Variants in C8orf34 observed in about 807,000 individuals in gnomAD.
C8orf34 encodes the protein uncharacterized protein C8orf34.
Under a neutral mutation model 68.3 loss-of-function variants are expected in C8orf34, and 65 were observed. The ratio of observed to expected loss-of-function variants is 0.95; its 90% CI spans 0.78 to 1.17. C8orf34 has a LOEUF of 1.17. Among genes scored for constraint, C8orf34 ranks in the 50% most tolerant of loss-of-function variants. The probability of loss-of-function intolerance (pLI) is 0.00; values close to 1 mark genes in which losing one functional copy is unlikely to be tolerated. For synonymous variants in C8orf34, 244 were observed against 241.2 expected, an observed-to-expected ratio of 1.01 and a Z score of -0.11; for missense variants, 664 against 655.4, an observed-to-expected ratio of 1.01 and a Z score of -0.14.
intron 1 of C8orf34, among the ~76,000 whole-genome samples, chr8:68,390,335 A>G (rs1416301011): frequency 6.6e-6 from 1 of 152,180 alleles, no homozygotes; most frequent in African/African-American, 2.4e-5. Flanking sequence ...AGAGAATCAA[A>G]TTAACTGTTT....
chr8:68,782,423 TTGAG>T (rs1254563504), intron 11 of C8orf34, among the ~76,000 whole-genome samples: 2 of 128,546 alleles, frequency 1.6e-5, no homozygotes, highest in Admixed American at 7.7e-5. Context: ...TATTCCAAGA[TTGAG>T]TGTCTTTTTT....
chr8:68,716,924 A>C (rs1450998410), intron 9 of C8orf34, among the ~76,000 whole-genome samples: 17 of 151,738 alleles, frequency 1.1e-4, no homozygotes, highest in Non-Finnish European at 2.2e-4. Context: ...CGATGGATAA[A>C]ATCAGTGATG....
chr8:68,757,383 A>C (rs892594084), intron 10 of C8orf34, among the ~76,000 whole-genome samples: 2 of 152,176 alleles, frequency 1.3e-5, no homozygotes, highest in African/African-American at 4.8e-5. Flanking sequence ...TAATCCCAGC[A>C]CTTTGGGAGG....
At chr8:68,518,090 C>T (rs1161757055) in intron 5 of C8orf34, among the ~76,000 whole-genome samples, 1 of 152,130 alleles carries the variant, frequency 6.6e-6, no homozygotes, top group African/African-American at 2.4e-5. Flanking sequence ...TTGTATCTGG[C>T]TTATACACAG....
At chr8:68,587,060 T>G (rs1265455017) in intron 7 of C8orf34, among the ~76,000 whole-genome samples, 1 of 152,068 alleles carries the variant, frequency 6.6e-6, no homozygotes, top group African/African-American at 2.4e-5. Context: ...ATCCTCAGAC[T>G]CAGGTAAATT....
At chr8:68,544,539 A>C (rs913359919) in intron 7 of C8orf34, among the ~76,000 whole-genome samples, 1 of 152,214 alleles carries the variant, frequency 6.6e-6, no homozygotes, top group Non-Finnish European at 1.5e-5. Context: ...ATCCTTAAAA[A>C]GAATCAACAG....
intron 5 of C8orf34, among the ~76,000 whole-genome samples, chr8:68,503,214 G>A (rs1813853962): frequency 6.6e-6 from 1 of 152,036 alleles, no homozygotes; most frequent in Admixed American, 6.6e-5. Context: ...CAGGGATATT[G>A]GAAAACTAAT....
At chr8:68,535,797 A>G in intron 7 of C8orf34, 1 of 963,832 alleles carries the variant, frequency 1.0e-6, no homozygotes. Context: ...TGGAATTAAC[A>G]CTTGTCAGAT....
intron 8 of C8orf34, among the ~76,000 whole-genome samples, chr8:68,704,288 C>G (rs1821102083): frequency 2.0e-5 from 3 of 151,974 alleles, no homozygotes; most frequent in Admixed American, 6.6e-5. Context: ...GAAGGAAAAG[C>G]TAGAAATAAG....
At chr8:68,731,446 G>A (rs1015039370) in intron 10 of C8orf34, among the ~76,000 whole-genome samples, 2 of 152,078 alleles carry the variant, frequency 1.3e-5, no homozygotes, top group Non-Finnish European at 2.9e-5. Context: ...AAATGATTAT[G>A]TTTATATGTT....
intron 7 of C8orf34, among the ~76,000 whole-genome samples, chr8:68,621,327 A>G (rs532889763): frequency 6.6e-6 from 1 of 152,310 alleles, no homozygotes; most frequent in African/African-American, 2.4e-5. Context: ...TAAAAACCAC[A>G]TGTTGGATCA....
At chr8:68,664,357 G>A (rs192005022) in intron 8 of C8orf34, among the ~76,000 whole-genome samples, 32 of 152,328 alleles carry the variant, frequency 2.1e-4, no homozygotes, top group South Asian at 2.1e-4. Flanking sequence ...GGCATAAGGA[G>A]TAAGGGGGTT....
chr8:68,512,602 C>T (rs1563497606), intron 5 of C8orf34, among the ~76,000 whole-genome samples: 1 of 151,884 alleles, frequency 6.6e-6, no homozygotes. Context: ...CCTTTTATAA[C>T]CTTTTATAAC....
chr8:68,719,804 T>A (rs1362970233), intron 9 of C8orf34, among the ~76,000 whole-genome samples: 1 of 151,922 alleles, frequency 6.6e-6, no homozygotes, highest in African/African-American at 2.4e-5. Context: ...GAATAGAACA[T>A]TTTAATGTTA....
chr8:68,529,108 C>T (rs547908237), intron 6 of C8orf34, among the ~76,000 whole-genome samples: 1 of 152,192 alleles, frequency 6.6e-6, no homozygotes, highest in South Asian at 2.1e-4. Context: ...AAAAGTGAAG[C>T]CTCCCTGGCC....
At chr8:68,665,888 G>A (rs1819824534) in intron 8 of C8orf34, among the ~76,000 whole-genome samples, 1 of 152,098 alleles carries the variant, frequency 6.6e-6, no homozygotes, top group African/African-American at 2.4e-5. Flanking sequence ...ATGAGGTCAG[G>A]GATCTTGTCT....
intron 7 of C8orf34, among the ~76,000 whole-genome samples, chr8:68,587,032 T>A (rs1817230280): frequency 6.6e-6 from 1 of 152,064 alleles, no homozygotes; most frequent in Admixed American, 6.6e-5. Flanking sequence ...CAGCCCCTGT[T>A]TTAGGGGCTT....
chr8:68,518,835 A>T (rs1018683251), intron 5 of C8orf34, among the ~76,000 whole-genome samples: 37 of 147,300 alleles, frequency 2.5e-4, no homozygotes, highest in African/African-American at 7.4e-4. Context: ...TGGAGGTTGC[A>T]GTGAGCCAAG....
intron 12 of C8orf34, among the ~76,000 whole-genome samples, chr8:68,792,912 TA>T (rs1278102559): frequency 6.6e-6 from 1 of 151,900 alleles, no homozygotes; most frequent in Non-Finnish European, 1.5e-5. Context: ...TATGCATATA[TA>T]AAAATACATA....
Sources: allele counts gnomAD v4.1 joint callset (sites outside exome capture counted in the v4.1 genomes callset), GRCh38; gene constraint gnomAD v4.1.1; transcripts MANE v1.5; gene names NCBI Gene and HGNC (gene_info 2026-07-23, HGNC 2026-07-21).